Variants in STX18 observed in about 807,000 individuals in gnomAD.
The protein encoded by STX18 is syntaxin 18, also known as syntaxin-18.
STX18 carries 40 observed loss-of-function variants against 50.1 expected under a neutral mutation model. The ratio of observed to expected loss-of-function variants is 0.80; its 90% CI spans 0.62 to 1.04. The LOEUF (loss-of-function observed/expected upper bound fraction) is 1.04, where lower values mean the gene tolerates loss of function less well. Ranked by LOEUF, STX18 falls within the 50% of genes least tolerant of loss-of-function variation. The probability of loss-of-function intolerance (pLI) is 0.00; values close to 1 mark genes in which losing one functional copy is unlikely to be tolerated. For synonymous variants in STX18, 158 were observed against 151.8 expected, an observed-to-expected ratio of 1.04 and a Z score of -0.30; for missense variants, 410 against 415.8, an observed-to-expected ratio of 0.99 and a Z score of 0.12.
intron 1 of STX18, among the ~76,000 whole-genome samples, chr4:4,474,414 G>A (rs1728072181): frequency 6.6e-6 from 1 of 152,142 alleles, no homozygotes; most frequent in Non-Finnish European, 1.5e-5. Flanking sequence ...AATCCCAGAA[G>A]GATTATACCT....
intron 1 of STX18, among the ~76,000 whole-genome samples, chr4:4,514,367 C>T (rs183872281): frequency 2.0e-5 from 3 of 152,188 alleles, no homozygotes. Context: ...AATTCATTCT[C>T]TCACTGGTCT....
intron 7 of STX18, among the ~76,000 whole-genome samples, chr4:4,428,180 G>C (rs1002530827): frequency 5.3e-5 from 8 of 152,212 alleles, no homozygotes; most frequent in Admixed American, 4.6e-4. Flanking sequence ...CATAGTGGTG[G>C]ATGTACCACG....
intron 5 of STX18, among the ~76,000 whole-genome samples, chr4:4,452,777 T>C (rs1726828811): frequency 6.6e-6 from 1 of 152,212 alleles, no homozygotes; most frequent in East Asian, 1.9e-4. Context: ...GTAAAGTAAA[T>C]TGAAAACCTT....
intron 5 of STX18, among the ~76,000 whole-genome samples, chr4:4,451,739 T>C (rs118010504): frequency 1.3e-5 from 2 of 152,300 alleles, no homozygotes; most frequent in South Asian, 2.1e-4. Context: ...CCCGGCCCAG[T>C]TGTTCCCATT....
chr4:4,497,478 C>A (rs991577944), intron 1 of STX18, among the ~76,000 whole-genome samples: 2 of 152,196 alleles, frequency 1.3e-5, no homozygotes, highest in Admixed American at 6.5e-5. Context: ...CATTCAATAT[C>A]ACTTACGTAA....
At chr4:4,525,832 T>A (rs995854301) in intron 1 of STX18, among the ~76,000 whole-genome samples, 5 of 152,152 alleles carry the variant, frequency 3.3e-5, no homozygotes, top group African/African-American at 1.2e-4. Flanking sequence ...CATATTTCCA[T>A]AGTAAGAATA....
rs559278015 is a variant in STX18, at chr4:4,490,941, G to C, written c.169-19235C>G. ...TATTTATACTTTCACACAAACTTCC[G>C]AAGTTTTCCCAACTTAAATAAAAAC... On this transcript the variant is annotated intron_variant, in intron 1 of 10. Coordinates refer to ENST00000306200, the MANE Select transcript of STX18 (RefSeq NM_016930.4). Among the ~76,000 whole-genome samples the C allele has an allele frequency of 2.6e-5, 4 of 151,880 alleles. No individual in the cohort carries two copies. In the East Asian group the frequency reaches 7.7e-4, roughly 29 times the overall value.
At chr4:4,533,138 A>T (rs908087709) in intron 1 of STX18, among the ~76,000 whole-genome samples, 6 of 152,346 alleles carry the variant, frequency 3.9e-5, no homozygotes, top group African/African-American at 1.4e-4. Context: ...TATCTGAGTT[A>T]TTGGGTTCAT....
chr4:4,441,693 TG>T (rs1367947135), intron 5 of STX18, among the ~76,000 whole-genome samples: 1 of 152,142 alleles, frequency 6.6e-6, no homozygotes, highest in Non-Finnish European at 1.5e-5. Flanking sequence ...AATTTATAAA[TG>T]TAATGTGATC....
At chr4:4,429,323 G>A (rs959857719) in intron 7 of STX18, among the ~76,000 whole-genome samples, 1 of 152,140 alleles carries the variant, frequency 6.6e-6, no homozygotes, top group Non-Finnish European at 1.5e-5. Flanking sequence ...CTGCTAAAAG[G>A]TTTCTAATCT....
intron 1 of STX18, among the ~76,000 whole-genome samples, chr4:4,522,609 C>T (rs1370286846): frequency 1.3e-5 from 2 of 152,096 alleles, no homozygotes; most frequent in Non-Finnish European, 2.9e-5. Flanking sequence ...ACTCACAGAG[C>T]ACTCCAGAAC....
chr4:4,468,198 C>A (rs1343065781), intron 2 of STX18, among the ~76,000 whole-genome samples: 1 of 151,832 alleles, frequency 6.6e-6, no homozygotes, highest in Non-Finnish European at 1.5e-5. Context: ...TTTTTTCCTC[C>A]TTAGTCTTAG....
At chr4:4,488,458 C>T (rs1041129533) in intron 1 of STX18, among the ~76,000 whole-genome samples, 3 of 152,124 alleles carry the variant, frequency 2.0e-5, no homozygotes, top group Admixed American at 6.5e-5. Flanking sequence ...GGGGTCCTAG[C>T]GCTACTTAAA....
chr4:4,468,190 T>C (rs1328339330), intron 2 of STX18, among the ~76,000 whole-genome samples: 1 of 152,194 alleles, frequency 6.6e-6, no homozygotes, highest in Admixed American at 6.5e-5. Flanking sequence ...AAACCCTTTT[T>C]TTTCCTCCTT....
At chr4:4,491,822 T>A (rs1379368895) in intron 1 of STX18, among the ~76,000 whole-genome samples, 1 of 152,086 alleles carries the variant, frequency 6.6e-6, no homozygotes, top group Non-Finnish European at 1.5e-5. Context: ...GATTTCCTAA[T>A]AGAATGAACA....
At chr4:4,497,431 C>T (rs1422566180) in intron 1 of STX18, among the ~76,000 whole-genome samples, 4 of 152,124 alleles carry the variant, frequency 2.6e-5, no homozygotes, top group East Asian at 1.9e-4. Context: ...TGATTAAAAC[C>T]GAAAACAGCA....
chr4:4,511,713 A>AGTGTGT (rs3038434), intron 1 of STX18, among the ~76,000 whole-genome samples: 6,241 of 137,412 alleles, frequency 0.045, 178 homozygotes, highest in South Asian at 0.071. Flanking sequence ...ACTCATGATT[A>AGTGTGT]GTGTGTGTGT....
intron 1 of STX18, among the ~76,000 whole-genome samples, chr4:4,474,311 C>T (rs1172737879): frequency 2.8e-5 from 4 of 142,350 alleles, no homozygotes; most frequent in East Asian, 1.9e-4. Flanking sequence ...AGAGAGTCCT[C>T]TCTCTTTCCC....
chr4:4,448,043 C>G lies in STX18; in HGVS notation c.497+9148G>C, dbSNP rs1434558814. ...TGTGAAGGGGGAAGGACTGAAGGAG[C>G]CTTGACAGAGTAGCAGGGCAGTGGC... On this transcript the variant is annotated intron_variant, in intron 5 of 10. Coordinates refer to ENST00000306200, the MANE Select transcript of STX18 (RefSeq NM_016930.4). Among the ~76,000 whole-genome samples, 5 of 152,152 alleles carry G rather than the reference C, an allele frequency of 3.3e-5. No homozygotes were observed. The South Asian group carries it at 8.3e-4, about 25-fold the overall frequency.
Sources: gnomAD v4.1 joint callset for allele counts (sites outside exome capture counted in the v4.1 genomes callset) on GRCh38, gnomAD v4.1.1 for gene constraint, MANE v1.5 for transcripts, NCBI Gene and HGNC (gene_info 2026-07-23, HGNC 2026-07-21) for gene names.